Variants in BMAL1 observed in about 807,000 individuals in gnomAD.
BMAL1 encodes basic helix-loop-helix ARNT-like protein 1.
chr11:13,383,914 T>C, the BMAL1 span, among the ~76,000 whole-genome samples: 597 of 152,196 alleles, frequency 3.9e-3, 7 homozygotes, highest in African/African-American at 0.013. Flanking sequence ...ATCATTACTT[T>C]TATAAAATTC....
the BMAL1 span, among the ~76,000 whole-genome samples, chr11:13,366,162 TG>T: frequency 6.6e-6 from 1 of 152,262 alleles, no homozygotes; most frequent in Non-Finnish European, 1.5e-5. Context: ...GCAGAAGACT[TG>T]AAGAATCAAA....
the BMAL1 span, among the ~76,000 whole-genome samples, chr11:13,341,042 C>A: frequency 1.7e-4 from 26 of 152,218 alleles, no homozygotes; most frequent in African/African-American, 5.8e-4. Flanking sequence ...TGACCACCAT[C>A]CTGCCCTGCC....
the BMAL1 span, among the ~76,000 whole-genome samples, chr11:13,344,559 G>A: frequency 6.6e-6 from 1 of 152,210 alleles, no homozygotes; most frequent in Non-Finnish European, 1.5e-5. Context: ...CTAGGGGCTA[G>A]AGAAATGCTT....
chr11:13,349,630 CA>C, the BMAL1 span, among the ~76,000 whole-genome samples: 79 of 152,338 alleles, frequency 5.2e-4, 1 homozygote, highest in African/African-American at 1.5e-3. Context: ...ATAAAAAACA[CA>C]ACTAACTTCC....
At chr11:13,283,520 T>TA in the BMAL1 span, among the ~76,000 whole-genome samples, 3,248 of 152,284 alleles carry the variant, frequency 0.021, 55 homozygotes, top group Non-Finnish European at 0.032. Flanking sequence ...ACTCAGCTGT[T>TA]ATGGCTTGGG....
At chr11:13,386,445 TAA>T in the BMAL1 span, 6 of 786,436 alleles carry the variant, frequency 7.6e-6, no homozygotes, top group Non-Finnish European at 9.3e-6. Flanking sequence ...AACAGCGATA[TAA>T]AAAAAGATAG....
At chr11:13,331,374 C>T in the BMAL1 span, among the ~76,000 whole-genome samples, 1 of 152,176 alleles carries the variant, frequency 6.6e-6, no homozygotes, top group African/African-American at 2.4e-5. Flanking sequence ...GAAAAAGGTG[C>T]AGTACATTTG....
the BMAL1 span, among the ~76,000 whole-genome samples, chr11:13,375,169 T>A: frequency 6.6e-6 from 1 of 152,352 alleles, no homozygotes; most frequent in South Asian, 2.1e-4. Flanking sequence ...AAGGGCTCAT[T>A]ACATGTTACA....
At chr11:13,298,277 A>G in the BMAL1 span, among the ~76,000 whole-genome samples, 2 of 152,176 alleles carry the variant, frequency 1.3e-5, no homozygotes, top group African/African-American at 2.4e-5. Flanking sequence ...CACACCAGGC[A>G]TGCTTCCTGT....
chr11:13,358,523 C>T, the BMAL1 span: 2 of 1,613,202 alleles, frequency 1.2e-6, no homozygotes, highest in Non-Finnish European at 1.7e-6. Context: ...ACATGCAACG[C>T]AATGTCCAGG....
chr11:13,320,247 T>A, the BMAL1 span, among the ~76,000 whole-genome samples: 1 of 152,248 alleles, frequency 6.6e-6, no homozygotes, highest in Non-Finnish European at 1.5e-5. Flanking sequence ...CTGCCTTCTC[T>A]AGCTCTCCTC....
chr11:13,322,399 T>C, the BMAL1 span, among the ~76,000 whole-genome samples: 2 of 152,240 alleles, frequency 1.3e-5, no homozygotes, highest in Admixed American at 1.3e-4. Context: ...AGGAAGATAC[T>C]CTTCTACCCC....
the BMAL1 span, among the ~76,000 whole-genome samples, chr11:13,315,423 G>A: frequency 6.6e-6 from 1 of 152,242 alleles, no homozygotes; most frequent in Non-Finnish European, 1.5e-5. Flanking sequence ...CTTGTGTCAA[G>A]TACTGTTAGA....
chr11:13,385,670 TC>T, the BMAL1 span: 8 of 1,576,122 alleles, frequency 5.1e-6, no homozygotes, highest in Middle Eastern at 1.7e-4. Context: ...ACTTCACACT[TC>T]CCTCCTTTTG....
chr11:13,287,926 ATTG>A, the BMAL1 span, among the ~76,000 whole-genome samples: 141 of 152,314 alleles, frequency 9.3e-4, no homozygotes, highest in African/African-American at 3.2e-3. Flanking sequence ...AAGAGCAGAA[ATTG>A]TTGTTGTGAC....
chr11:13,365,412 G>GA, the BMAL1 span: 1 of 1,210,282 alleles, frequency 8.3e-7, no homozygotes, highest in South Asian at 1.3e-5. Flanking sequence ...TGGATGCTTA[G>GA]AAAGCACATC....
At chr11:13,365,311 A>ACC in the BMAL1 span, 4 of 474,056 alleles carry the variant, frequency 8.4e-6, no homozygotes, top group African/African-American at 4.0e-5. Context: ...ACACACACAC[A>ACC]CACACACACA....
the BMAL1 span, chr11:13,385,872 T>G: frequency 2.8e-5 from 30 of 1,061,520 alleles, no homozygotes; most frequent in Non-Finnish European, 3.7e-5. Flanking sequence ...AACTGAACTG[T>G]GTGAAACAAG....
the BMAL1 span, among the ~76,000 whole-genome samples, chr11:13,293,244 A>G: frequency 4.6e-5 from 7 of 152,226 alleles, no homozygotes; most frequent in Non-Finnish European, 8.8e-5. Flanking sequence ...CTCAGAAGAC[A>G]TTAGGTTGTC....
Sources: gnomAD v4.1 joint callset for allele counts (sites outside exome capture counted in the v4.1 genomes callset) on GRCh38, gnomAD v4.1.1 for gene constraint, MANE v1.5 for transcripts, NCBI Gene and HGNC (gene_info 2026-07-23, HGNC 2026-07-21) for gene names.